The following G2E3 variants were observed in gnomAD, a reference collection of about 807,000 sequenced individuals.
The protein encoded by G2E3 is G2/M-phase specific E3 ubiquitin protein ligase.
G2E3 carries 35 observed loss-of-function variants against 92.8 expected under a neutral mutation model. That is an observed-to-expected ratio of 0.38 (90% CI 0.29 to 0.50). The LOEUF (loss-of-function observed/expected upper bound fraction) is 0.50, where lower values mean the gene tolerates loss of function less well. Among genes scored for constraint, G2E3 ranks in the 20% least tolerant of loss-of-function variants. The probability of loss-of-function intolerance (pLI) is 0.94; values close to 1 mark genes in which losing one functional copy is unlikely to be tolerated. For missense variants in G2E3, 554 were observed against 823.8 expected (o/e 0.67, Z 4.01); for synonymous variants, 242 against 272.4 (o/e 0.89, Z 1.10).
At chr14:30,608,138 C>A (rs1210238965) in intron 12 of G2E3, 69 bp downstream of exon 12, 1 of 854,538 alleles carries the variant, frequency 1.2e-6, no homozygotes, top group East Asian at 2.7e-5. Context: ...AATGACTGAT[C>A]TGCAATAAAA....
At chr14:30,582,625 C>A (rs778351619) in intron 2 of G2E3, among the ~76,000 whole-genome samples, 2 of 152,136 alleles carry the variant, frequency 1.3e-5, no homozygotes, top group African/African-American at 2.4e-5. Flanking sequence ...TGCACACTTG[C>A]GGGTAAAAGT....
At chr14:30,587,304 G>A (rs1200320886) in intron 3 of G2E3, among the ~76,000 whole-genome samples, 5 of 152,036 alleles carry the variant, frequency 3.3e-5, no homozygotes, top group Non-Finnish European at 5.9e-5. Flanking sequence ...GAAAGCAAAC[G>A]AGTGATTTCA....
chr14:30,597,217 C>CTTTT (rs1269373614), intron 6 of G2E3, among the ~76,000 whole-genome samples: 2 of 150,832 alleles, frequency 1.3e-5, no homozygotes, highest in Admixed American at 1.3e-4. Flanking sequence ...TATTAATTAG[C>CTTTT]TTTTTTTTTA....
intron 1 of G2E3, among the ~76,000 whole-genome samples, chr14:30,567,150 CT>C (rs1310786453): frequency 8.5e-5 from 13 of 152,140 alleles, no homozygotes; most frequent in African/African-American, 3.1e-4. Flanking sequence ...TCTGTGATGT[CT>C]TTTTCTGGCT....
chr14:30,585,140 G>A (rs1191040581), intron 2 of G2E3, among the ~76,000 whole-genome samples: 1 of 151,952 alleles, frequency 6.6e-6, no homozygotes, highest in African/African-American at 2.4e-5. Flanking sequence ...AGACAATAGT[G>A]TCCTTTGAGT....
At chr14:30,606,444 T>C (rs1279445424) in intron 11 of G2E3, among the ~76,000 whole-genome samples, 1 of 152,126 alleles carries the variant, frequency 6.6e-6, no homozygotes, top group East Asian at 1.9e-4. Flanking sequence ...CTATATTTTC[T>C]GTAAACATCC....
At chr14:30,606,610 A>T (rs987134190) in intron 11 of G2E3, among the ~76,000 whole-genome samples, 3 of 152,134 alleles carry the variant, frequency 2.0e-5, no homozygotes, top group Admixed American at 1.3e-4. Flanking sequence ...CGTGAATTTA[A>T]ATCACAGAAT....
In G2E3 at chr14:30,592,244, A is replaced by G. The variant is rs1881051876; in HGVS notation, c.238-79A>G. 1.0e-5 allele frequency: 12 copies of G among 1,193,282 alleles called. No homozygotes were observed. The East Asian group carries it at 2.8e-4, about 28-fold the overall frequency. 73.9% of individuals were successfully genotyped at this position (1,193,282 alleles called of 1,614,324 possible). ...AATAATTTTCAGATTCCCCACCAGG[A>G]GTATTTATTTATGTCTTGATCATAT... On this transcript the variant is annotated intron_variant, in intron 4 of 14. Transcript: ENST00000206595.
intron 1 of G2E3, among the ~76,000 whole-genome samples, chr14:30,574,250 T>C (rs1879941374): frequency 6.6e-6 from 1 of 152,122 alleles, no homozygotes; most frequent in East Asian, 1.9e-4. Context: ...AACCTAAATA[T>C]GGATACCAAT....
At chr14:30,582,638 A>AGG (rs921909521) in intron 2 of G2E3, among the ~76,000 whole-genome samples, 19 of 152,226 alleles carry the variant, frequency 1.2e-4, no homozygotes, top group African/African-American at 4.3e-4. Flanking sequence ...GTAAAAGTGT[A>AGG]GGTATTGGGG....
chr14:30,567,621 T>G (rs1309056075), intron 1 of G2E3, among the ~76,000 whole-genome samples: 1 of 151,996 alleles, frequency 6.6e-6, no homozygotes, highest in Non-Finnish European at 1.5e-5. Context: ...GATTCTCAAT[T>G]TAAAAATTTT....
At chr14:30,588,296 A>G (rs531798195) in intron 3 of G2E3, among the ~76,000 whole-genome samples, 1 of 152,192 alleles carries the variant, frequency 6.6e-6, no homozygotes, top group African/African-American at 2.4e-5. Context: ...AATAAAAAGT[A>G]TTATTTTACT....
At chr14:30,582,309 C>G (rs992525126) in intron 2 of G2E3, among the ~76,000 whole-genome samples, 5 of 152,124 alleles carry the variant, frequency 3.3e-5, no homozygotes, top group Admixed American at 3.3e-4. Context: ...GAAATCAGGA[C>G]AATTTTACCA....
At chr14:30,612,688 T>A (rs1216088950) in intron 13 of G2E3, among the ~76,000 whole-genome samples, 1 of 152,038 alleles carries the variant, frequency 6.6e-6, no homozygotes, top group East Asian at 1.9e-4. Flanking sequence ...TGAAACCCCG[T>A]CTGTACTAAA....
chr14:30,585,092 C>T (rs1022784415), intron 2 of G2E3, among the ~76,000 whole-genome samples: 1 of 151,984 alleles, frequency 6.6e-6, no homozygotes, highest in South Asian at 2.1e-4. Context: ...CCTGGGCCTC[C>T]CAAAGTGCTA....
chr14:30,572,354 A>G (rs1229587114), intron 1 of G2E3, among the ~76,000 whole-genome samples: 2 of 152,148 alleles, frequency 1.3e-5, no homozygotes, highest in Non-Finnish European at 2.9e-5. Flanking sequence ...ACGTTTGTAG[A>G]TTCCCTTCGC....
At chr14:30,593,325 C>T in intron 5 of G2E3, 149 bp from the exon 6 acceptor site, 1 of 545,756 alleles carries the variant, frequency 1.8e-6, no homozygotes, top group South Asian at 2.8e-5. Context: ...GATTGTGAGA[C>T]TTAATTTTTA....
intron 12 of G2E3, among the ~76,000 whole-genome samples, chr14:30,608,508 T>C (rs2138904724): frequency 6.6e-6 from 1 of 152,312 alleles, no homozygotes; most frequent in South Asian, 2.1e-4. Flanking sequence ...TAGGGAGGTA[T>C]GAATGATAGA....
chr14:30,603,807 A>T (rs186946471), intron 10 of G2E3, among the ~76,000 whole-genome samples: 57 of 152,328 alleles, frequency 3.7e-4, no homozygotes, highest in Non-Finnish European at 1.3e-4. Context: ...TCATGCCACT[A>T]TACTCTCACC....
Sources: gnomAD v4.1 joint callset for allele counts (sites outside exome capture counted in the v4.1 genomes callset) on GRCh38, gnomAD v4.1.1 for gene constraint, MANE v1.5 for transcripts, NCBI Gene and HGNC (gene_info 2026-07-23, HGNC 2026-07-21) for gene names.